Variants in KCNJ6 observed in about 807,000 individuals in gnomAD.
KCNJ6 encodes the protein potassium inwardly rectifying channel subfamily J member 6.
KCNJ6 carries 9 observed loss-of-function variants against 34.2 expected under a neutral mutation model. The observed-to-expected ratio is 0.26, with a 90% CI of 0.16 to 0.46. KCNJ6 has a LOEUF of 0.46. Among genes scored for constraint, KCNJ6 ranks in the 20% least tolerant of loss-of-function variants. KCNJ6 has a pLI of 1.00. For synonymous variants in KCNJ6, 196 were observed against 207.1 expected (o/e 0.95, Z 0.46); for missense variants, 236 against 531.3 (o/e 0.44, Z 5.46).
In KCNJ6 at chr21:37,649,157, A is replaced by AAAAAAAAC. The variant is rs755535850; in HGVS notation, c.947-23674_947-23673insGTTTTTTT. On this transcript the variant is annotated intron_variant, in intron 3 of 3. Coordinates refer to ENST00000609713, the MANE Select transcript of KCNJ6 (RefSeq NM_002240.5). ...CAAAAAAAAAAAAAAAAAAAAAAGA[A>AAAAAAAAC]AGAAAAAGAAAGGGAGTTTATAAAT... 4.4e-4 allele frequency among the ~76,000 whole-genome samples: 59 copies of AAAAAAAAC among 134,008 alleles called. 2 individuals are homozygous for AAAAAAAAC. The highest frequency in any genetic ancestry group is 5.6e-4 in the Non-Finnish European group (36 of 64,452). The allele number at this position is 134,008 out of a possible 152,430, so 87.9% of individuals were successfully genotyped here. A position where few individuals can be genotyped will look rare whatever the true frequency, so the allele number is the denominator to read the frequency against.
intron 2 of KCNJ6, among the ~76,000 whole-genome samples, chr21:37,762,542 G>A (rs2055070905): frequency 6.6e-6 from 1 of 152,216 alleles, no homozygotes; most frequent in South Asian, 2.1e-4. Context: ...AGCAGAGCCC[G>A]TTTCTTTTTT....
At chr21:37,764,383 C>CTTTT (rs376267192) in intron 2 of KCNJ6, among the ~76,000 whole-genome samples, 11,696 of 145,020 alleles carry the variant, frequency 0.081, 522 homozygotes, top group African/African-American at 0.11. Flanking sequence ...AAGATATTTA[C>CTTTT]TTTTTTTTTT....
chr21:37,887,424 G>A (rs2055741355), intron 1 of KCNJ6, among the ~76,000 whole-genome samples: 1 of 152,098 alleles, frequency 6.6e-6, no homozygotes, highest in Non-Finnish European at 1.5e-5. Flanking sequence ...TCTTTTTTAA[G>A]TGCCCCTTAT....
At chr21:37,873,432 GA>G (rs1330820651) in intron 1 of KCNJ6, among the ~76,000 whole-genome samples, 5 of 152,142 alleles carry the variant, frequency 3.3e-5, no homozygotes, top group Admixed American at 2.0e-4. Flanking sequence ...GGCCAATGGG[GA>G]TAACTGGATT....
chr21:37,674,525 C>A (rs868548264), intron 3 of KCNJ6, among the ~76,000 whole-genome samples: 1 of 151,804 alleles, frequency 6.6e-6, no homozygotes. Context: ...CTGGCTCCGC[C>A]GAGTCAGGCC....
At chr21:37,846,495 G>A (rs1023707607) in intron 1 of KCNJ6, among the ~76,000 whole-genome samples, 4 of 151,596 alleles carry the variant, frequency 2.6e-5, no homozygotes, top group Non-Finnish European at 5.9e-5. Context: ...GCTGCATGGG[G>A]CTCCCTCAGA....
At position 37,608,235 on chromosome 21, in the gene KCNJ6, AT is replaced by A. The variant is rs1285565891; in HGVS notation, c.*16923del. ...ATGATCCTAGGCTGGTCTAGGTACCATCCCCCAATCTTACCTTGTGTGTTTC... is the reference window on the plus strand; with the variant it reads ...ATGATCCTAGGCTGGTCTAGGTACCACCCCCAATCTTACCTTGTGTGTTTC... On this transcript the variant is annotated 3_prime_UTR_variant, in exon 4 of 4. Transcript: ENST00000609713. 1 of 152,194 alleles carries A rather than the reference AT, an allele frequency of 6.6e-6. No homozygotes were observed. The highest frequency in any genetic ancestry group is 1.5e-5 in the Non-Finnish European group (1 of 68,040). 9.4% of individuals were successfully genotyped at this position (152,194 alleles called of 1,614,324 possible).
intron 3 of KCNJ6, among the ~76,000 whole-genome samples, chr21:37,681,953 T>C (rs2054592620): frequency 6.6e-6 from 1 of 152,200 alleles, no homozygotes; most frequent in Non-Finnish European, 1.5e-5. Flanking sequence ...CCAGCTGCCC[T>C]ATTTCTTCAT....
chr21:37,856,562 T>C (rs1047052509), intron 1 of KCNJ6, among the ~76,000 whole-genome samples: 6 of 152,100 alleles, frequency 3.9e-5, no homozygotes, highest in African/African-American at 1.4e-4. Flanking sequence ...TCTCAGGAGA[T>C]ATACACTCAA....
chr21:37,710,206 T>C (rs2835904), intron 3 of KCNJ6, among the ~76,000 whole-genome samples: 59,531 of 152,150 alleles, frequency 0.39, 11,737 homozygotes, highest in East Asian at 0.45. Context: ...TAAGAGACGA[T>C]TGGAAGTTTG....
rs544389480 is a variant in KCNJ6 at position 37,836,954 on chromosome 21, G to C, written c.25+3704C>G. Among the ~76,000 whole-genome samples the C allele has an allele frequency of 5.2e-4, 79 of 152,180 alleles. 1 individual carries two copies. Among genetic ancestry groups the C allele is most frequent in the South Asian group, 2.7e-3 (13 of 4,808 alleles). ...GTTGAAAGTTCACAGGCTGTGAACTGCCACACTTAGTTTGCTAATTTTTAG... is the reference window on the plus strand; with the variant it reads ...GTTGAAAGTTCACAGGCTGTGAACTCCCACACTTAGTTTGCTAATTTTTAG... On this transcript the variant is annotated intron_variant, in intron 2 of 3. Transcript: ENST00000609713.
chr21:37,646,883 C>T (rs2054407500), intron 3 of KCNJ6, among the ~76,000 whole-genome samples: 1 of 152,016 alleles, frequency 6.6e-6, no homozygotes, highest in South Asian at 2.1e-4. Context: ...ACGTGTTAGC[C>T]AAGACTGTCT....
chr21:37,681,810 C>T (rs766211102), intron 3 of KCNJ6, among the ~76,000 whole-genome samples: 12 of 152,038 alleles, frequency 7.9e-5, no homozygotes, highest in Non-Finnish European at 1.3e-4. Flanking sequence ...CGACCCAAAT[C>T]ACATTTTCTA....
In KCNJ6 at chr21:37,856,858, A is replaced by G. The variant is rs554108312; in HGVS notation, c.-27-16149T>C. Reference sequence around the variant, plus strand: ...GGGAAGTTGTATGGTTTGGGTATTGACCTGGCTGGATGTACCAGTTACTTG... The same window carrying G: ...GGGAAGTTGTATGGTTTGGGTATTGGCCTGGCTGGATGTACCAGTTACTTG... On this transcript the variant is annotated intron_variant, in intron 1 of 3. Coordinates refer to ENST00000609713, the MANE Select transcript of KCNJ6 (RefSeq NM_002240.5). Among the ~76,000 whole-genome samples the G allele has an allele frequency of 2.0e-5, 3 of 152,180 alleles. No individual in the cohort carries two copies. The South Asian group carries it at 6.2e-4, about 32-fold the overall frequency.
At chr21:37,773,999 C>T (rs1304835962) in intron 2 of KCNJ6, among the ~76,000 whole-genome samples, 1 of 152,102 alleles carries the variant, frequency 6.6e-6, no homozygotes, top group African/African-American at 2.4e-5. Context: ...CACATCATTC[C>T]CTCAAGAACT....
intron 3 of KCNJ6, among the ~76,000 whole-genome samples, chr21:37,686,212 A>G (rs1569445324): frequency 6.6e-6 from 1 of 152,200 alleles, no homozygotes; most frequent in Non-Finnish European, 1.5e-5. Flanking sequence ...CTCTGTGGAC[A>G]AAGAAGGATT....
chr21:37,661,723 C>G (rs944226852), intron 3 of KCNJ6, among the ~76,000 whole-genome samples: 1 of 149,066 alleles, frequency 6.7e-6, no homozygotes, highest in East Asian at 2.0e-4. Context: ...CCCAGGTTCA[C>G]GCCATTCTCC....
At chr21:37,677,321 T>G (rs890210280) in intron 3 of KCNJ6, among the ~76,000 whole-genome samples, 4 of 152,216 alleles carry the variant, frequency 2.6e-5, no homozygotes, top group Non-Finnish European at 5.9e-5. Flanking sequence ...GCCACATATG[T>G]GCAGCTCCCT....
chr21:37,884,518 T>C (rs1348605331), intron 1 of KCNJ6, among the ~76,000 whole-genome samples: 2 of 152,182 alleles, frequency 1.3e-5, no homozygotes. Flanking sequence ...GTCTACCCTG[T>C]TGCTGGGTTA....
Sources: gnomAD v4.1 joint callset for allele counts (sites outside exome capture counted in the v4.1 genomes callset) on GRCh38, gnomAD v4.1.1 for gene constraint, MANE v1.5 for transcripts, NCBI Gene and HGNC (gene_info 2026-07-23, HGNC 2026-07-21) for gene names.